The following ADCY3 variants were observed in gnomAD, a reference collection of about 807,000 sequenced individuals.
ADCY3 encodes adenylate cyclase 3.
ADCY3 carries 70 observed loss-of-function variants against 119.4 expected under a neutral mutation model. The ratio of observed to expected loss-of-function variants is 0.59; its 90% CI spans 0.48 to 0.72. ADCY3 has a LOEUF of 0.72. ADCY3 is among the 30% of genes least tolerant of loss of function. The pLI, the probability that ADCY3 is intolerant of heterozygous loss-of-function variation, is 0.00. For missense variants in ADCY3, 1,238 were observed against 1,541.6 expected (o/e 0.80, Z 3.30); for synonymous variants, 672 against 621.4 (o/e 1.08, Z -1.21).
intron 3 of ADCY3, among the ~76,000 whole-genome samples, chr2:24,844,297 G>A (rs867841192): frequency 1.3e-5 from 2 of 152,048 alleles, no homozygotes. Flanking sequence ...TAGGGTGCAG[G>A]TCCCAGGCAT....
chr2:24,860,820 G>A (rs537595151), intron 3 of ADCY3, among the ~76,000 whole-genome samples: 17 of 152,204 alleles, frequency 1.1e-4, no homozygotes, highest in African/African-American at 3.1e-4. Flanking sequence ...GAGAGAGAGC[G>A]GGCTCAGGTC....
intron 11 of ADCY3, among the ~76,000 whole-genome samples, chr2:24,832,500 C>G (rs1316072496): frequency 2.6e-5 from 4 of 152,176 alleles, no homozygotes; most frequent in Admixed American, 2.0e-4. Flanking sequence ...AACCTGTTCT[C>G]TATACCCTCT....
At chr2:24,820,177 G>T in intron 21 of ADCY3, 63 bp from the exon 22 acceptor site, 1 of 1,305,428 alleles carries the variant, frequency 7.7e-7, no homozygotes, top group Non-Finnish European at 1.0e-6. Context: ...AGGGCGGGTG[G>T]GGGCTTTGGG....
chr2:24,913,157 C>T (rs777923203), intron 2 of ADCY3, among the ~76,000 whole-genome samples: 10 of 152,208 alleles, frequency 6.6e-5, no homozygotes, highest in Non-Finnish European at 1.2e-4. Context: ...CTGTGTCCTG[C>T]ACACCTCTCC....
At chr2:24,914,793 C>T (rs560137786) in intron 2 of ADCY3, among the ~76,000 whole-genome samples, 3 of 152,272 alleles carry the variant, frequency 2.0e-5, no homozygotes, top group African/African-American at 7.2e-5. Context: ...CCCGCCCCAG[C>T]ACAGCCTGAG....
intron 15 of ADCY3, among the ~76,000 whole-genome samples, chr2:24,827,332 G>GA (rs1330887951): frequency 1.1e-4 from 17 of 152,312 alleles, no homozygotes; most frequent in African/African-American, 4.1e-4. Context: ...CTGCCAGCCA[G>GA]TTACATGCAG....
At chr2:24,855,439 C>A (rs1433409677) in intron 3 of ADCY3, among the ~76,000 whole-genome samples, 1 of 152,112 alleles carries the variant, frequency 6.6e-6, no homozygotes, top group Non-Finnish European at 1.5e-5. Flanking sequence ...CGGGAAGAGC[C>A]GAGCAGGGGT....
At chr2:24,856,568 G>A (rs997502371) in intron 3 of ADCY3, among the ~76,000 whole-genome samples, 30 of 152,216 alleles carry the variant, frequency 2.0e-4, no homozygotes, top group Non-Finnish European at 3.2e-4. Context: ...ACCAGGCCTA[G>A]TAACCTTGGG....
chr2:24,854,799 C>A (rs900251652), intron 3 of ADCY3, among the ~76,000 whole-genome samples: 3 of 152,084 alleles, frequency 2.0e-5, no homozygotes, highest in African/African-American at 7.2e-5. Context: ...CCTGTAATCC[C>A]AGCACTTTGG....
intron 3 of ADCY3, among the ~76,000 whole-genome samples, chr2:24,850,242 G>A (rs987187260): frequency 5.3e-5 from 8 of 152,104 alleles, no homozygotes; most frequent in African/African-American, 1.9e-4. Flanking sequence ...TTAGAGTTCA[G>A]AGGTTCTAAA....
chr2:24,841,830 T>C lies in ADCY3; in HGVS notation c.957-163A>G, dbSNP rs1671052136. Among the ~76,000 whole-genome samples the C allele has an allele frequency of 6.6e-6, 1 of 152,052 alleles. No homozygotes were observed. The highest frequency in any genetic ancestry group is 6.5e-5 in the Admixed American group (1 of 15,272). The stretch of plus-strand genomic sequence containing the variant: ...GAGACCCTGACCCTTCCAGGTAAAG[T>C]CAGGGCTCTGACCTTGCACTTGTCC... On this transcript the variant is annotated intron_variant, in intron 4 of 21. Coordinates refer to ENST00000679454, the MANE Select transcript of ADCY3 (RefSeq NM_004036.5). This position sits in a 1 kb window ranked among gnomAD's most constrained non-coding sequence, Gnocchi z 5.8.
intron 8 of ADCY3, 115 bp downstream of exon 8, chr2:24,838,330 A>G: frequency 9.2e-7 from 1 of 1,090,780 alleles, no homozygotes; most frequent in Non-Finnish European, 1.3e-6. Flanking sequence ...TCTCACAGCC[A>G]GCCACTGCTG....
At position 24,820,849 on chromosome 2, in the gene ADCY3, C is replaced by A; in HGVS notation, c.3128-1G>T. The A allele has an allele frequency of 1.2e-6, 2 of 1,613,806 alleles. No individual in the cohort carries two copies. Among genetic ancestry groups the A allele is most frequent in the Non-Finnish European group, 8.5e-7 (1 of 1,179,810 alleles). ...GCCAGAACCCCGCCTTTGTTCATGC[C>A]TAGGGTAGAGGCATAAAGTTCAGCA... On this transcript the variant is annotated splice_acceptor_variant, in intron 20 of 21. Coordinates refer to ENST00000679454, the MANE Select transcript of ADCY3 (RefSeq NM_004036.5). LOFTEE classifies it high-confidence loss of function.
At chr2:24,871,277 T>C (rs1674980047) in intron 3 of ADCY3, among the ~76,000 whole-genome samples, 2 of 152,000 alleles carry the variant, frequency 1.3e-5, no homozygotes, top group Non-Finnish European at 2.9e-5. Context: ...AAAGGAGGAT[T>C]CTTTAAATAT....
At chr2:24,865,298 A>G (rs1014715037) in intron 3 of ADCY3, among the ~76,000 whole-genome samples, 3 of 152,142 alleles carry the variant, frequency 2.0e-5, no homozygotes, top group African/African-American at 7.2e-5. Flanking sequence ...TACACAAATT[A>G]GGCAGGCGTG....
At chr2:24,889,631 G>GT (rs1289965909) in intron 2 of ADCY3, among the ~76,000 whole-genome samples, 14 of 152,214 alleles carry the variant, frequency 9.2e-5, no homozygotes, top group African/African-American at 3.4e-4. Flanking sequence ...GAGGTCAGGA[G>GT]TTTGAGACCA....
chr2:24,898,373 G>A lies in ADCY3; in HGVS notation c.675+19940C>T, dbSNP rs2148974875. 6.6e-6 allele frequency among the ~76,000 whole-genome samples: 1 copy of A among 152,250 alleles called. No homozygotes were observed. Among genetic ancestry groups the A allele is most frequent in the Non-Finnish European group, 1.5e-5 (1 of 68,016 alleles). The stretch of plus-strand genomic sequence containing the variant: ...GAAGGGAGTGGACCTACTGTCTGCG[G>A]GATGGGAGTCGGGACACTGACTGTG... On this transcript the variant is annotated intron_variant, in intron 2 of 21. Coordinates refer to ENST00000679454, the MANE Select transcript of ADCY3 (RefSeq NM_004036.5). The surrounding 1 kb of genome is among the most constrained non-coding windows in gnomAD (Gnocchi z 4.3).
At chr2:24,821,752 A>G (rs962978079) in intron 19 of ADCY3, 112 bp from the exon 20 acceptor site, 14 of 1,465,568 alleles carry the variant, frequency 9.6e-6, no homozygotes, top group South Asian at 1.3e-5. Flanking sequence ...TAGATGTTCA[A>G]GGCCTTACTT....
At chr2:24,909,027 A>G (rs1169201647) in intron 2 of ADCY3, among the ~76,000 whole-genome samples, 1 of 152,198 alleles carries the variant, frequency 6.6e-6, no homozygotes, top group East Asian at 1.9e-4. Context: ...ATGATTCTCA[A>G]ATCTGCAACT....
Sources: gnomAD v4.1 joint callset for allele counts (sites outside exome capture counted in the v4.1 genomes callset) on GRCh38, gnomAD v4.1.1 for gene constraint, Gnocchi (gnomAD v3.1) non-coding constraint, MANE v1.5 for transcripts, NCBI Gene and HGNC (gene_info 2026-07-23, HGNC 2026-07-21) for gene names.